Variants in SETD5 observed in about 807,000 individuals in gnomAD.
SETD5 encodes the protein histone-lysine N-methyltransferase SETD5.
Under a neutral mutation model 153.3 loss-of-function variants are expected in SETD5, and 44 were observed. That is an observed-to-expected ratio of 0.29 (90% CI 0.23 to 0.37). The LOEUF is 0.37. Among genes scored for constraint, SETD5 ranks in the 10% least tolerant of loss-of-function variants. The pLI is 1.00. For missense variants in SETD5, 1,544 were observed against 1,768.0 expected, an observed-to-expected ratio of 0.87 and a Z score of 2.27; for synonymous variants, 716 against 645.2, an observed-to-expected ratio of 1.11 and a Z score of -1.66.
In SETD5 at chr3:9,398,414, ACT is replaced by A. The variant is rs2034102789; in HGVS notation, c.-177+440_-177+441del. On this transcript the variant is annotated intron_variant, in intron 1 of 22. Coordinates refer to ENST00000402198, the MANE Select transcript of SETD5 (RefSeq NM_001080517.3). ...CGTTCTCGCGGCCTTGTGACAGACAACTCTGATCGCTCTGGGGGCCGCGATCT... is the reference window on the plus strand; with the variant it reads ...CGTTCTCGCGGCCTTGTGACAGACAACTGATCGCTCTGGGGGCCGCGATCT... 2.0e-5 allele frequency: 3 copies of A among 149,400 alleles called. No homozygotes were observed. In the South Asian group the frequency reaches 6.5e-4, roughly 32 times the overall value. The allele number at this position is 149,400 out of a possible 1,614,324, so 9.3% of individuals were successfully genotyped here.
At chr3:9,398,168 C>T (rs964539365) in intron 1 of SETD5, 191 bp downstream of exon 1, 6 of 151,892 alleles carry the variant, frequency 4.0e-5, no homozygotes, top group East Asian at 1.9e-4. Context: ...CCCCATTTTC[C>T]CAGGGAGAGA....
chr3:9,466,151 G>A (rs551995322), intron 18 of SETD5, among the ~76,000 whole-genome samples: 7 of 152,056 alleles, frequency 4.6e-5, no homozygotes, highest in Admixed American at 4.6e-4. Context: ...AGCCGGGCGT[G>A]GTAGTGGGCG....
chr3:9,409,993 C>T (rs1482726536), intron 1 of SETD5, among the ~76,000 whole-genome samples: 3 of 152,022 alleles, frequency 2.0e-5, no homozygotes, highest in Non-Finnish European at 4.4e-5. Context: ...GTCTTTTTGC[C>T]CTTAGGGTAT....
intron 1 of SETD5, among the ~76,000 whole-genome samples, chr3:9,413,242 A>G (rs1355362326): frequency 6.6e-6 from 1 of 152,160 alleles, no homozygotes; most frequent in East Asian, 1.9e-4. Context: ...AGTTTATACT[A>G]AGAGGGAAAT....
At chr3:9,461,049 A>G (rs1054788527) in intron 17 of SETD5, among the ~76,000 whole-genome samples, 4 of 152,176 alleles carry the variant, frequency 2.6e-5, no homozygotes, top group African/African-American at 9.6e-5. Flanking sequence ...ATACATTTGT[A>G]ATTTTATTGA....
intron 17 of SETD5, among the ~76,000 whole-genome samples, chr3:9,457,452 A>G (rs912273985): frequency 2.0e-5 from 3 of 151,984 alleles, no homozygotes; most frequent in African/African-American, 7.2e-5. Context: ...GCGCCACTGC[A>G]CTCCTGCCTG....
chr3:9,447,205 T>A lies in SETD5; in HGVS notation c.1680T>A (p.Thr560=). 6.2e-7 allele frequency: 1 copy of A among 1,614,032 alleles called. No individual in the cohort carries two copies. The highest frequency in any genetic ancestry group is 1.1e-5 in the South Asian group (1 of 91,082). ...CTCCTGTTGGTGAAGAGACAAAAAC[T>A]GAAGCCCCTGAATCTGAAGTTAGCA... ...SETPVGEETK[T]EAPESEVSNS... Residue 560 remains threonine, a synonymous_variant, in exon 14 of 23, where the codon ACT becomes ACA. Coordinates refer to ENST00000402198, the MANE Select transcript of SETD5 (RefSeq NM_001080517.3).
intron 1 of SETD5, among the ~76,000 whole-genome samples, chr3:9,419,147 C>A (rs957293039): frequency 6.6e-6 from 1 of 152,136 alleles, no homozygotes; most frequent in Non-Finnish European, 1.5e-5. Flanking sequence ...ATTTTTCTCC[C>A]CCTTCATGGT....
intron 1 of SETD5, among the ~76,000 whole-genome samples, chr3:9,422,768 G>A (rs1185602253): frequency 6.6e-6 from 1 of 152,198 alleles, no homozygotes; most frequent in East Asian, 1.9e-4. Context: ...GTTGGTTTAT[G>A]GAGAGAGTTG....
chr3:9,451,463 G>A (rs191449275), intron 16 of SETD5, among the ~76,000 whole-genome samples: 26 of 152,248 alleles, frequency 1.7e-4, no homozygotes, highest in African/African-American at 6.0e-4. Context: ...GGGGATAGTA[G>A]GGGTTCACAG....
At chr3:9,447,450 A>G in intron 14 of SETD5, 143 bp downstream of exon 14, 1 of 1,243,156 alleles carries the variant, frequency 8.0e-7, no homozygotes. Context: ...AACTGGAACC[A>G]TTTCATTGGC....
At chr3:9,428,292 A>C (rs1347070729) in intron 2 of SETD5, among the ~76,000 whole-genome samples, 1 of 152,242 alleles carries the variant, frequency 6.6e-6, no homozygotes, top group Non-Finnish European at 1.5e-5. Flanking sequence ...TGACAAAAGA[A>C]GGCACTAAGA....
intron 15 of SETD5, 99 bp from the exon 16 acceptor site, chr3:9,448,289 C>A: frequency 6.7e-7 from 1 of 1,488,592 alleles, no homozygotes; most frequent in Non-Finnish European, 9.0e-7. Flanking sequence ...ACTGCAGCTG[C>A]TGCATCTCCT....
At chr3:9,468,143 AAG>A (rs2044835906) in intron 18 of SETD5, among the ~76,000 whole-genome samples, 1 of 151,588 alleles carries the variant, frequency 6.6e-6, no homozygotes, top group South Asian at 2.1e-4. Context: ...AAGGAGGAAT[AAG>A]GGGTAGGGTG....
chr3:9,400,377 T>C (rs1422858063), intron 1 of SETD5, among the ~76,000 whole-genome samples: 1 of 152,202 alleles, frequency 6.6e-6, no homozygotes, highest in African/African-American at 2.4e-5. Context: ...ATAACCACAA[T>C]AGGAAGAAAA....
chr3:9,435,680 T>G, intron 6 of SETD5, 48 bp from the exon 7 acceptor site: 1 of 1,465,222 alleles, frequency 6.8e-7, no homozygotes, highest in Non-Finnish European at 9.1e-7. Context: ...ACTTTTAATG[T>G]ACTTTTGAGG....
chr3:9,442,080 CCTT>C lies in SETD5; in HGVS notation c.960-44_960-42del, dbSNP rs1397220963. 7.1e-6 allele frequency: 9 copies of C among 1,271,908 alleles called. No individual in the cohort carries two copies. In the East Asian group the frequency reaches 1.4e-4, roughly 20 times the overall value. The allele number at this position is 1,271,908 out of a possible 1,614,324, so 78.8% of individuals were successfully genotyped here. On this transcript the variant is annotated intron_variant, in intron 9 of 22. Coordinates refer to ENST00000402198, the MANE Select transcript of SETD5 (RefSeq NM_001080517.3). Reference sequence around the variant, plus strand: ...CTTCATATTTGGAGTCATGGGGTGGCCTTCTTATTTGTGTTGAGAATTACAGGA... The same window carrying C: ...CTTCATATTTGGAGTCATGGGGTGGCCTTATTTGTGTTGAGAATTACAGGA...
chr3:9,438,020 C>CA (rs2040797677), intron 7 of SETD5, among the ~76,000 whole-genome samples: 2 of 151,382 alleles, frequency 1.3e-5, no homozygotes. Flanking sequence ...AAAAAAAATT[C>CA]AGTAAGGATA....
intron 13 of SETD5, among the ~76,000 whole-genome samples, chr3:9,446,842 TTA>T (rs2042078409): frequency 1.3e-5 from 2 of 152,304 alleles, no homozygotes; most frequent in East Asian, 1.9e-4. Context: ...TTTGAAAAGT[TTA>T]TGTTTGACCT....
Sources: gnomAD v4.1 joint callset for allele counts (sites outside exome capture counted in the v4.1 genomes callset) on GRCh38, gnomAD v4.1.1 for gene constraint, MANE v1.5 for transcripts, NCBI Gene and HGNC (gene_info 2026-07-23, HGNC 2026-07-21) for gene names.